The following KIF5A variants were observed in gnomAD, a reference collection of about 807,000 sequenced individuals.
KIF5A encodes the protein kinesin heavy chain isoform 5A.
A neutral mutation model predicts 141.3 loss-of-function variants in KIF5A; 35 were observed. That is an observed-to-expected ratio of 0.25 (90% CI 0.19 to 0.33). The LOEUF (loss-of-function observed/expected upper bound fraction) is 0.33. KIF5A is among the 10% of genes least tolerant of loss of function. The pLI is 1.00. For synonymous variants in KIF5A, 448 were observed against 500.2 expected, an observed-to-expected ratio of 0.90 and a Z score of 1.39; for missense variants, 861 against 1,314.3, an observed-to-expected ratio of 0.66 and a Z score of 5.33.
In KIF5A at chr12:57,559,484, AT is replaced by A. The variant is rs1173041002; in HGVS notation, c.130-3954del. 3.3e-5 allele frequency among the ~76,000 whole-genome samples: 5 copies of A among 152,306 alleles called. No individual in the cohort carries two copies. In the East Asian group the frequency reaches 9.6e-4, roughly 29 times the overall value. On this transcript the variant is annotated intron_variant, in intron 1 of 28. Coordinates refer to ENST00000455537, the MANE Select transcript of KIF5A (RefSeq NM_004984.4). ...CGAGCATTAATTAATATTAATTAAT[AT>A]ATTTTAACATTTAGGAGCCACTATA...
intron 1 of KIF5A, among the ~76,000 whole-genome samples, chr12:57,556,311 T>G (rs1423311364): frequency 6.6e-6 from 1 of 152,016 alleles, no homozygotes; most frequent in Non-Finnish European, 1.5e-5. Context: ...GCTAATTTTT[T>G]GTATTTTTAG....
rs767911747 is a variant in KIF5A at position 57,581,089 on chromosome 12, G to A, written c.2672G>A (p.Arg891His). 158 of 1,614,014 alleles carry A rather than the reference G, an allele frequency of 9.8e-5. No homozygotes were observed. The highest frequency in any genetic ancestry group is 1.3e-4 in the Non-Finnish European group (151 of 1,180,018). ...EAKEGAMKDK[R>H]RYQQEVDRIK... ...AAGGAGGGCGCCATGAAGGACAAGC[G>A]CCGGTACCAGCAGGAGGTGGACCGC... Residue 891 changes from arginine to histidine, a missense_variant, in exon 24 of 29, where the codon CGC becomes CAC. This residue lies in a region of KIF5A where 482 missense variants were observed against 661.3 expected (regional missense o/e 0.73). Coordinates refer to ENST00000455537, the MANE Select transcript of KIF5A (RefSeq NM_004984.4).
At chr12:57,576,697 G>T in intron 19 of KIF5A, 64 bp from the exon 20 acceptor site, 1 of 1,184,072 alleles carries the variant, frequency 8.4e-7, no homozygotes, top group East Asian at 2.3e-5. Context: ...TGAAGAGCTG[G>T]CCTTCCCTTC....
intron 6 of KIF5A, 76 bp from the exon 7 acceptor site, chr12:57,567,050 T>C: frequency 1.3e-6 from 1 of 766,512 alleles, no homozygotes; most frequent in South Asian, 2.0e-5. Context: ...AAGAAAATAA[T>C]AATAATAAAA....
intron 20 of KIF5A, 122 bp from the exon 21 acceptor site, chr12:57,577,591 C>T (rs1882466685): frequency 1.2e-6 from 1 of 806,422 alleles, no homozygotes; most frequent in African/African-American, 1.7e-5. Flanking sequence ...CAGAATGAGA[C>T]CCTGTTTCAC....
intron 1 of KIF5A, among the ~76,000 whole-genome samples, chr12:57,556,959 C>T (rs1565693354): frequency 6.6e-6 from 1 of 152,138 alleles, no homozygotes; most frequent in African/African-American, 2.4e-5. Context: ...CCCTCACAGA[C>T]ACACCCAGGA....
rs1882701403 is a variant in KIF5A at position 57,584,553 on chromosome 12, G to A, written c.*372G>A. 2 of 152,576 alleles carry A rather than the reference G, an allele frequency of 1.3e-5. No individual in the cohort carries two copies. Among genetic ancestry groups the A allele is most frequent in the Non-Finnish European group, 2.9e-5 (2 of 68,042 alleles). The allele number at this position is 152,576 out of a possible 1,614,324, so 9.5% of individuals were successfully genotyped here. On this transcript the variant is annotated 3_prime_UTR_variant, in exon 29 of 29. Coordinates refer to ENST00000455537, the MANE Select transcript of KIF5A (RefSeq NM_004984.4). ...GTCACTGAGTAGAGGTCACAGAGAT[G>A]ACAAAAGGAAAAATGGGAGCTAGAG...
At chr12:57,570,544 G>T (rs1016306832) in intron 12 of KIF5A, among the ~76,000 whole-genome samples, 12 of 152,102 alleles carry the variant, frequency 7.9e-5, no homozygotes, top group African/African-American at 2.7e-4. Flanking sequence ...GATTACAGGC[G>T]CATGCCACCA....
At chr12:57,581,238 C>T (rs1178861538) in intron 24 of KIF5A, 66 bp downstream of exon 24, 1 of 1,533,048 alleles carries the variant, frequency 6.5e-7, no homozygotes, top group Non-Finnish European at 8.9e-7. Context: ...TTGCTAATTG[C>T]CAAGCAACTA....
intron 15 of KIF5A, among the ~76,000 whole-genome samples, chr12:57,573,863 C>A (rs533587880): frequency 6.7e-6 from 1 of 149,108 alleles, no homozygotes; most frequent in Non-Finnish European, 1.5e-5. Context: ...GAGGCCGAGG[C>A]GAGGTCAGGA....
intron 1 of KIF5A, among the ~76,000 whole-genome samples, chr12:57,556,958 A>AC (rs1338137564): frequency 1.3e-5 from 2 of 152,110 alleles, no homozygotes; most frequent in East Asian, 3.8e-4. Context: ...ACCCTCACAG[A>AC]CACACCCAGG....
Position 57,581,429 on chromosome 12 carries a change from C to G in KIF5A, c.2770C>G (p.Pro924Ala). 1.2e-6 allele frequency: 2 copies of G among 1,614,012 alleles called. No individual in the cohort carries two copies. Among genetic ancestry groups the G allele is most frequent in the Non-Finnish European group, 1.7e-6 (2 of 1,180,026 alleles). ...HSAQIAKPVR[P>A]GHYPASSPTN... Reference sequence around the variant, plus strand: ...CTTTATTGCAGCCAAACCCGTCCGGCCTGGCCACTACCCAGCATCCTCACC... The same window carrying G: ...CTTTATTGCAGCCAAACCCGTCCGGGCTGGCCACTACCCAGCATCCTCACC... The change falls in exon 25 of 29, where the codon CCT (proline) becomes GCT (alanine). Residue 924 changes from proline to alanine, a missense_variant. Pro to Ala is a conservative substitution (Grantham distance 27). Coordinates refer to ENST00000455537, the MANE Select transcript of KIF5A (RefSeq NM_004984.4).
chr12:57,579,604 C>G (rs1051313051), intron 23 of KIF5A, among the ~76,000 whole-genome samples: 15 of 151,950 alleles, frequency 9.9e-5, no homozygotes, highest in African/African-American at 3.4e-4. Context: ...GATTTTATTT[C>G]CTTTATTATG....
At chr12:57,562,027 T>C (rs1881922014) in intron 1 of KIF5A, among the ~76,000 whole-genome samples, 2 of 152,360 alleles carry the variant, frequency 1.3e-5, no homozygotes, top group African/African-American at 2.4e-5. Context: ...TCACCTATGA[T>C]AGAGAACAAG....
At position 57,581,140 on chromosome 12, in the gene KIF5A, G is replaced by C. The variant is rs748632605; in HGVS notation, c.2723G>C (p.Ser908Thr). The C allele has an allele frequency of 1.1e-5, 18 of 1,614,080 alleles. No homozygotes were observed. Among genetic ancestry groups the C allele is most frequent in the Non-Finnish European group, 1.4e-5 (16 of 1,180,014 alleles). ...ATCAAGGAGGCCGTTCGCTACAAGA[G>C]CTCGGGCAAACGGGGCCATTCTGCC... is the stretch of plus-strand genomic sequence containing the variant. ...DRIKEAVRYK[S>T]SGKRGHSAQI... Residue 908 changes from serine (S) to threonine (T), a missense_variant, in exon 24 of 29, where the codon AGC (serine) becomes ACC (threonine). Ser to Thr is a moderately conservative substitution (Grantham distance 58, BLOSUM62 1). This residue lies in a region of KIF5A where 482 missense variants were observed against 661.3 expected (regional missense o/e 0.73). Coordinates refer to ENST00000455537, the MANE Select transcript of KIF5A (RefSeq NM_004984.4).
In KIF5A at chr12:57,583,234, C is replaced by T; in HGVS notation, c.*36+19C>T. The stretch of plus-strand genomic sequence containing the variant: ...CTTTCAGGTAGCGTCAGGCTGCTTC[C>T]TCGGACCAGCCTCAGGTTGCTTCCC... On this transcript the variant is annotated intron_variant, in intron 28 of 28. Coordinates refer to ENST00000455537, the MANE Select transcript of KIF5A (RefSeq NM_004984.4). The T allele has an allele frequency of 6.8e-7, 1 of 1,464,276 alleles. No homozygotes were observed. Among genetic ancestry groups the T allele is most frequent in the Non-Finnish European group, 9.5e-7 (1 of 1,053,572 alleles). 90.7% of individuals were successfully genotyped at this position (1,464,276 alleles called of 1,614,324 possible).
chr12:57,551,583 C>T (rs981232099), intron 1 of KIF5A, among the ~76,000 whole-genome samples: 7 of 152,048 alleles, frequency 4.6e-5, no homozygotes, highest in Non-Finnish European at 8.8e-5. Context: ...GGTGCTGGGC[C>T]AGGAAACAAA....
chr12:57,578,806 G>A (rs1490848083), intron 23 of KIF5A, among the ~76,000 whole-genome samples: 2 of 152,176 alleles, frequency 1.3e-5, no homozygotes, highest in Non-Finnish European at 2.9e-5. Context: ...GTGCATGCCT[G>A]TAGTCCCAGC....
intron 1 of KIF5A, among the ~76,000 whole-genome samples, chr12:57,553,073 G>A (rs1165582768): frequency 6.6e-6 from 1 of 152,130 alleles, no homozygotes; most frequent in African/African-American, 2.4e-5. Context: ...CACCGTCTGT[G>A]TGTGGTGCCC....
Sources: allele counts gnomAD v4.1 joint callset (sites outside exome capture counted in the v4.1 genomes callset), GRCh38; gene constraint gnomAD v4.1.1; regional missense constraint gnomAD v4.1.1; transcripts MANE v1.5; gene names NCBI Gene and HGNC (gene_info 2026-07-23, HGNC 2026-07-21).